The following HSDL1 variants were observed in gnomAD, a reference collection of about 807,000 sequenced individuals.
HSDL1 encodes the protein inactive hydroxysteroid dehydrogenase-like protein 1.
Under a neutral mutation model 31.5 loss-of-function variants are expected in HSDL1, and 29 were observed. That is an observed-to-expected ratio of 0.92 (90% CI 0.69 to 1.26). The LOEUF (loss-of-function observed/expected upper bound fraction) is 1.26, where lower values mean the gene tolerates loss of function less well. HSDL1 is among the 50% of genes most tolerant of loss of function. The probability of loss-of-function intolerance (pLI) is 0.00; values close to 1 mark genes in which losing one functional copy is unlikely to be tolerated. For synonymous variants in HSDL1, 222 were observed against 155.2 expected (o/e 1.43, Z -3.20); for missense variants, 503 against 416.6 (o/e 1.21, Z -1.81).
In HSDL1 at chr16:84,129,707, A is replaced by C. The variant is rs1459047845; in HGVS notation, c.735T>G (p.Ser245Arg). Residue 245 changes from serine to arginine, a missense_variant, in exon 5 of 6, where the codon AGT becomes AGG. By Grantham distance (110) the Ser-to-Arg change is moderately radical (BLOSUM62 -1). Transcript: ENST00000219439. ...EYASKGIFVQ[S>R]LIPFYVATSM... ...TGGTGGCTACATAGAAAGGGATTAG[A>C]CTCTGTACAAAGATTCCTTTAGAGG... is the stretch of plus-strand genomic sequence containing the variant. 48 of 1,614,068 alleles carry C rather than the reference A, an allele frequency of 3.0e-5. No homozygotes were observed. The highest frequency in any genetic ancestry group is 4.0e-5 in the Non-Finnish European group (47 of 1,180,028).
chr16:84,144,637 A>G (rs913851282), intron 1 of HSDL1, among the ~76,000 whole-genome samples: 1 of 152,160 alleles, frequency 6.6e-6, no homozygotes, highest in Non-Finnish European at 1.5e-5. Context: ...AGAAGCACCG[A>G]CAAAGGAGGC....
At chr16:84,127,742 G>A (rs1216873116) in intron 5 of HSDL1, among the ~76,000 whole-genome samples, 12 of 142,582 alleles carry the variant, frequency 8.4e-5, no homozygotes, top group Non-Finnish European at 1.5e-4. Context: ...TTTGTGAGAC[G>A]GAGTCTTGCT....
At chr16:84,144,224 T>G (rs2086810554) in intron 1 of HSDL1, 1 of 152,030 alleles carries the variant, frequency 6.6e-6, no homozygotes, top group South Asian at 2.1e-4. Context: ...CGTTTATAGA[T>G]GGGGAAATTG....
intron 1 of HSDL1, among the ~76,000 whole-genome samples, chr16:84,135,917 A>C (rs1010116241): frequency 4.6e-5 from 7 of 152,136 alleles, no homozygotes; most frequent in Admixed American, 4.6e-4. Flanking sequence ...GCCCATTCCA[A>C]TCCCAGGAGC....
At chr16:84,129,443 C>A in intron 5 of HSDL1, 105 bp downstream of exon 5, 1 of 836,282 alleles carries the variant, frequency 1.2e-6, no homozygotes. Context: ...GCTTAAGAGT[C>A]AGAATTTACA....
Position 84,123,762 on chromosome 16 carries a change from G to A in HSDL1, c.*868C>T, listed in dbSNP as rs926190402. The A allele has an allele frequency of 1.3e-5, 2 of 152,484 alleles. No homozygotes were observed. Among genetic ancestry groups the A allele is most frequent in the South Asian group, 4.1e-4 (2 of 4,834 alleles). The allele number at this position is 152,484 out of a possible 1,614,324, so 9.4% of individuals were successfully genotyped here. A position where few individuals can be genotyped will look rare whatever the true frequency, so the allele number is the denominator to read the frequency against. ...TCAGTTATAAAATGGGTCAGAGGCT[G>A]AGAAATCACTATTTATCCACAAGAA... On this transcript the variant is annotated 3_prime_UTR_variant, in exon 6 of 6. Coordinates refer to ENST00000219439, the MANE Select transcript of HSDL1 (RefSeq NM_031463.5).
At position 84,129,538 on chromosome 16, in the gene HSDL1, A is replaced by C. The variant is rs1179150102; in HGVS notation, c.894+10T>G. ...TTAATCTAATTATGAGACCTGAAGC[A>C]CACTCCTACCTGAATAGAATGGGAC... is the stretch of plus-strand genomic sequence containing the variant. On this transcript the variant is annotated intron_variant, in intron 5 of 5. Coordinates refer to ENST00000219439, the MANE Select transcript of HSDL1 (RefSeq NM_031463.5). The C allele has an allele frequency of 2.5e-6, 4 of 1,588,728 alleles. No homozygotes were observed. The highest frequency in any genetic ancestry group is 2.6e-6 in the Non-Finnish European group (3 of 1,156,800).
Position 84,130,047 on chromosome 16 carries a change from G to A in HSDL1, c.605C>T (p.Thr202Met), listed in dbSNP as rs900178147. The A allele has an allele frequency of 5.0e-6, 8 of 1,614,040 alleles. No individual in the cohort carries two copies. Among genetic ancestry groups the A allele is most frequent in the Non-Finnish European group, 5.9e-6 (7 of 1,180,040 alleles). Residue 202 changes from threonine (T) to methionine (M), a missense_variant, in exon 4 of 6, where the codon ACG becomes ATG. Transcript: ENST00000219439. ...TTTGCAGCAGGAGCCAGAAGAGATC[G>A]TGACGATGGCACCTTTCTTTCTCTC... ...MVERKKGAIV[T>M]ISSGSCCKPT...
chr16:84,131,482 AG>A (rs2086665314), intron 2 of HSDL1, among the ~76,000 whole-genome samples, 155 bp from the exon 3 acceptor site: 2 of 139,232 alleles, frequency 1.4e-5, no homozygotes. Flanking sequence ...TCACAGTTTC[AG>A]TCTATCTATC....
chr16:84,126,916 C>T (rs919442182), intron 5 of HSDL1, among the ~76,000 whole-genome samples: 1 of 152,102 alleles, frequency 6.6e-6, no homozygotes, highest in Non-Finnish European at 1.5e-5. Context: ...AAAGTTTTAA[C>T]AACTTTATAC....
In HSDL1 at chr16:84,124,777, A is replaced by C. The variant is rs779730646; in HGVS notation, c.895-49T>G. 46 of 1,267,258 alleles carry C rather than the reference A, an allele frequency of 3.6e-5. No homozygotes were observed. The Middle Eastern group carries it at 3.9e-3, about 107-fold the overall frequency. The allele number at this position is 1,267,258 out of a possible 1,614,324, so 78.5% of individuals were successfully genotyped here. ...TGTAAGGTTAGAACCCAAAATCAACACTGAAGGAACAAGTACACAGACCAG... is the reference window on the plus strand; with the variant it reads ...TGTAAGGTTAGAACCCAAAATCAACCCTGAAGGAACAAGTACACAGACCAG... On this transcript the variant is annotated intron_variant, in intron 5 of 5. Coordinates refer to ENST00000219439, the MANE Select transcript of HSDL1 (RefSeq NM_031463.5).
Position 84,130,164 on chromosome 16 carries a change from G to A in HSDL1, c.488C>T (p.Thr163Ile). The A allele has an allele frequency of 6.2e-7, 1 of 1,614,222 alleles. No individual in the cohort carries two copies. The highest frequency in any genetic ancestry group is 8.5e-7 in the Non-Finnish European group (1 of 1,180,046). The change falls in exon 4 of 6, where the codon ACT (threonine) becomes ATT (isoleucine). Residue 163 changes from threonine (T) to isoleucine (I), a missense_variant. Transcript: ENST00000219439. ...GVFYPYPQYF[T>I]QLSEDKLWDI... ...CCAGAGCTTGTCCTCGGACAGCTGA[G>A]TGAAATACTGCGGGTAGGGATAAAA... is the stretch of plus-strand genomic sequence containing the variant.
chr16:84,125,869 C>T (rs2086601295), intron 5 of HSDL1, among the ~76,000 whole-genome samples: 2 of 152,244 alleles, frequency 1.3e-5, no homozygotes, highest in Admixed American at 6.5e-5. Flanking sequence ...TTTGGGAGGC[C>T]GAGGCGGGTG....
In HSDL1 at chr16:84,130,043, G is replaced by A; in HGVS notation, c.609C>T (p.Ile203=). The change falls in exon 4 of 6, where the codon ATC becomes ATT. Residue 203 remains isoleucine (I), a synonymous_variant. Transcript: ENST00000219439. ...TGGGTTTGCAGCAGGAGCCAGAAGA[G>A]ATCGTGACGATGGCACCTTTCTTTC... ...VERKKGAIVT[I]SSGSCCKPTP... 1.2e-6 allele frequency: 2 copies of A among 1,614,182 alleles called. No individual in the cohort carries two copies. The highest frequency in any genetic ancestry group is 1.7e-6 in the Non-Finnish European group (2 of 1,180,034).
intron 1 of HSDL1, among the ~76,000 whole-genome samples, chr16:84,141,917 C>G (rs2086772765): frequency 6.6e-6 from 1 of 152,036 alleles, no homozygotes. Flanking sequence ...TAGTGTCTTT[C>G]ATGAACTAAA....
chr16:84,131,526 T>TCAATCA (rs1555517121), intron 2 of HSDL1, among the ~76,000 whole-genome samples, 199 bp from the exon 3 acceptor site: 14 of 147,420 alleles, frequency 9.5e-5, no homozygotes, highest in African/African-American at 3.2e-4. Flanking sequence ...TCTATCTATC[T>TCAATCA]ATCTATCAGA....
intron 2 of HSDL1, among the ~76,000 whole-genome samples, chr16:84,134,624 A>C (rs895405350): frequency 2.0e-5 from 3 of 152,128 alleles, no homozygotes; most frequent in African/African-American, 7.2e-5. Context: ...GAAAAACCCC[A>C]AAAAACAAAC....
chr16:84,124,756 A>G, intron 5 of HSDL1, 28 bp from the exon 6 acceptor site: 1 of 1,539,570 alleles, frequency 6.5e-7, no homozygotes, highest in Non-Finnish European at 9.0e-7. Flanking sequence ...AAAGGTTGTA[A>G]GGTTAGAACC....
intron 1 of HSDL1, among the ~76,000 whole-genome samples, chr16:84,138,376 A>G (rs184852114): frequency 1.3e-4 from 20 of 152,308 alleles, no homozygotes; most frequent in Non-Finnish European, 1.9e-4. Context: ...TAAAATGCAT[A>G]CGTCTGGAGA....
Sources: allele counts gnomAD v4.1 joint callset (sites outside exome capture counted in the v4.1 genomes callset), GRCh38; gene constraint gnomAD v4.1.1; transcripts MANE v1.5; gene names NCBI Gene and HGNC (gene_info 2026-07-23, HGNC 2026-07-21).